Variants in BNIP2 observed in about 807,000 individuals in gnomAD.
BNIP2 encodes BCL2/adenovirus E1B 19 kDa protein-interacting protein 2.
In BNIP2, 36 loss-of-function variants were observed where a neutral mutation model predicts 43.4. The ratio of observed to expected loss-of-function variants is 0.83; its 90% CI spans 0.64 to 1.10. The LOEUF is 1.10. Among genes scored for constraint, BNIP2 ranks in the 50% least tolerant of loss-of-function variants. The probability of loss-of-function intolerance (pLI) is 0.00; values close to 1 mark genes in which losing one functional copy is unlikely to be tolerated. For missense variants in BNIP2, 417 were observed against 374.1 expected, an observed-to-expected ratio of 1.11 and a Z score of -0.95; for synonymous variants, 146 against 121.0, an observed-to-expected ratio of 1.21 and a Z score of -1.35.
intron 5 of BNIP2, among the ~76,000 whole-genome samples, chr15:59,676,226 A>G (rs1289026209): frequency 6.6e-6 from 1 of 152,236 alleles, no homozygotes; most frequent in Non-Finnish European, 1.5e-5. Flanking sequence ...ACTAGAGTGC[A>G]GTGGGATGAT....
At position 59,689,154 on chromosome 15, in the gene BNIP2, C is replaced by T; in HGVS notation, c.-77G>A. ...ACTCACCCCGGAGGAAGCCTTGGCC[C>T]CCTCGTCCTCTTCGCCCCTCCAGGC... On this transcript the variant is annotated 5_prime_UTR_variant, in exon 1 of 10. Coordinates refer to ENST00000607373, the MANE Select transcript of BNIP2 (RefSeq NM_004330.4). 6.5e-7 allele frequency: 1 copy of T among 1,537,808 alleles called. No individual in the cohort carries two copies. The highest frequency in any genetic ancestry group is 8.7e-7 in the Non-Finnish European group (1 of 1,146,452).
intron 9 of BNIP2, among the ~76,000 whole-genome samples, chr15:59,664,865 G>C (rs1355252138): frequency 6.6e-6 from 1 of 152,162 alleles, no homozygotes; most frequent in Non-Finnish European, 1.5e-5. Flanking sequence ...TTAAAATTCA[G>C]TGATAAAAAA....
At position 59,668,038 on chromosome 15, in the gene BNIP2, G is replaced by A. The variant is rs76355916; in HGVS notation, c.893+854C>T. 1.6e-3 allele frequency: 1,718 copies of A among 1,083,556 alleles called. 28 individuals are homozygous for A. In the African/African-American group the frequency reaches 0.027, roughly 17 times the overall value. The allele number at this position is 1,083,556 out of a possible 1,614,324, so 67.1% of individuals were successfully genotyped here. On this transcript the variant is annotated intron_variant, in intron 9 of 9. Coordinates refer to ENST00000607373, the MANE Select transcript of BNIP2 (RefSeq NM_004330.4). ...TGTCTACAAGCTAACCAACCAATAA[G>A]GAAGAGTTAGTCTGCAATGCAAATG... is the stretch of plus-strand genomic sequence containing the variant.
chr15:59,686,036 C>G (rs1893992838), intron 1 of BNIP2, among the ~76,000 whole-genome samples: 1 of 152,150 alleles, frequency 6.6e-6, no homozygotes. Flanking sequence ...CTTGATTTCT[C>G]AATAGATTGA....
intron 5 of BNIP2, chr15:59,677,182 A>T (rs554331632): frequency 1.4e-5 from 22 of 1,595,452 alleles, no homozygotes; most frequent in Non-Finnish European, 1.9e-5. Flanking sequence ...TTATTGAAGG[A>T]TCCAGTGGAA....
intron 5 of BNIP2, among the ~76,000 whole-genome samples, chr15:59,673,977 C>G (rs750846497): frequency 8.6e-5 from 13 of 151,584 alleles, no homozygotes; most frequent in Non-Finnish European, 1.9e-4. Context: ...GTAGTCCCAG[C>G]TACTCAGGAG....
chr15:59,681,784 C>T (rs919544608), intron 2 of BNIP2, among the ~76,000 whole-genome samples: 5 of 151,992 alleles, frequency 3.3e-5, no homozygotes, highest in East Asian at 3.9e-4. Flanking sequence ...AACTAAAGAC[C>T]TCCTTCTCTG....
At chr15:59,682,382 T>C (rs1485769572) in intron 2 of BNIP2, 26 bp downstream of exon 2, 3 of 1,570,138 alleles carry the variant, frequency 1.9e-6, no homozygotes, top group Non-Finnish European at 2.6e-6. Context: ...GCTCTAAAAT[T>C]GTTTTCTTTT....
chr15:59,681,524 C>A (rs1274231794), intron 2 of BNIP2, among the ~76,000 whole-genome samples: 3 of 151,286 alleles, frequency 2.0e-5, no homozygotes, highest in Non-Finnish European at 4.4e-5. Context: ...CCTTGGCTCA[C>A]GGCAACCCCT....
chr15:59,671,403 CCT>C, intron 6 of BNIP2, 89 bp from the exon 7 acceptor site: 1 of 1,162,900 alleles, frequency 8.6e-7, no homozygotes, highest in Non-Finnish European at 1.2e-6. Context: ...ACAATTCCTT[CCT>C]CTCTCCTACA....
Position 59,682,428 on chromosome 15 carries a change from C to T in BNIP2, c.30G>A (p.Trp10Ter). 1 of 1,612,848 alleles carries T rather than the reference C, an allele frequency of 6.2e-7. No homozygotes were observed. Among genetic ancestry groups the T allele is most frequent in the Non-Finnish European group, 8.5e-7 (1 of 1,179,436 alleles). The part of the protein sequence containing the change: MEGVELKEE[W>*]QDEDFPIPLP... ...CTCACATCGGAAAATCTTCATCTTG[C>T]CATTCTTCTTTAAGTTCCACACCTT... Residue 10 changes from tryptophan to a stop codon, truncating the protein, a stop_gained, in exon 2 of 10, where the codon TGG (tryptophan) becomes TGA (stop). Transcript: ENST00000607373. LOFTEE classifies it high-confidence loss of function.
intron 4 of BNIP2, chr15:59,679,171 C>CG (rs1893494399): frequency 1.1e-5 from 2 of 179,676 alleles, no homozygotes; most frequent in African/African-American, 2.4e-5. Context: ...ATACTAGGTT[C>CG]GGGGGCTAAA....
intron 7 of BNIP2, among the ~76,000 whole-genome samples, chr15:59,669,770 G>C (rs1892788361): frequency 6.6e-6 from 1 of 152,188 alleles, no homozygotes; most frequent in Non-Finnish European, 1.5e-5. Flanking sequence ...AGTGTGAGTG[G>C]AGAAGATGAC....
intron 6 of BNIP2, among the ~76,000 whole-genome samples, chr15:59,672,056 A>G (rs1892965493): frequency 6.6e-6 from 1 of 152,192 alleles, no homozygotes. Context: ...AGCCTGGGTG[A>G]CAGAGTGAAA....
intron 1 of BNIP2, among the ~76,000 whole-genome samples, chr15:59,686,434 TAC>T (rs1894018217): frequency 6.6e-6 from 1 of 152,224 alleles, no homozygotes; most frequent in African/African-American, 2.4e-5. Context: ...AACACAATTT[TAC>T]ACAGTGATTT....
rs1259303151 is a variant in BNIP2, at chr15:59,677,811, G to A, written c.472+100C>T. On this transcript the variant is annotated intron_variant, in intron 5 of 9. Transcript: ENST00000607373. ...TCTCTCAACCTAGCGCCTGTGTTCT[G>A]TACAGGGCTTATTTACTCTTAATAA... is the stretch of plus-strand genomic sequence containing the variant. 7.1e-6 allele frequency: 10 copies of A among 1,417,612 alleles called. No homozygotes were observed. The African/African-American group carries it at 7.2e-5, about 10-fold the overall frequency. The allele number at this position is 1,417,612 out of a possible 1,614,324, so 87.8% of individuals were successfully genotyped here. A position where few individuals can be genotyped will look rare whatever the true frequency, so the allele number is the denominator to read the frequency against.
intron 9 of BNIP2, among the ~76,000 whole-genome samples, chr15:59,664,635 C>A (rs1402841250): frequency 6.6e-6 from 1 of 152,154 alleles, no homozygotes; most frequent in Non-Finnish European, 1.5e-5. Context: ...CCTGCCTCAG[C>A]CTCCCAAAGT....
intron 2 of BNIP2, among the ~76,000 whole-genome samples, chr15:59,681,983 C>T (rs1443195053): frequency 3.7e-5 from 5 of 134,140 alleles, no homozygotes; most frequent in African/African-American, 5.2e-5. Context: ...CTAACTGTTC[C>T]GAAGAAACTT....
Position 59,660,348 on chromosome 15 carries a change from T to A in BNIP2, c.*3721A>T, listed in dbSNP as rs1892188652. On this transcript the variant is annotated 3_prime_UTR_variant, in exon 10 of 10. Transcript: ENST00000607373. ...AAAACAAAATAGAATGGTGTAGCAA[T>A]CTCTATTTTCAGCCTATCTCCTACT... is the stretch of plus-strand genomic sequence containing the variant. The A allele has an allele frequency of 6.6e-6, 1 of 152,176 alleles. No individual in the cohort carries two copies. Among genetic ancestry groups the A allele is most frequent in the African/African-American group, 2.4e-5 (1 of 41,430 alleles). The allele number at this position is 152,176 out of a possible 1,614,324, so 9.4% of individuals were successfully genotyped here.
Sources: gnomAD v4.1 joint callset for allele counts (sites outside exome capture counted in the v4.1 genomes callset) on GRCh38, gnomAD v4.1.1 for gene constraint, MANE v1.5 for transcripts, NCBI Gene and HGNC (gene_info 2026-07-23, HGNC 2026-07-21) for gene names.